The following RSPH9 variants were observed in gnomAD, a reference collection of about 807,000 sequenced individuals.
RSPH9 encodes the protein radial spoke head component 9.
In RSPH9, 27 loss-of-function variants were observed where a neutral mutation model predicts 27.0. The observed-to-expected ratio is 1.00, with a 90% CI of 0.74 to 1.38. RSPH9 has a LOEUF of 1.38. Among genes scored for constraint, RSPH9 ranks in the 40% most tolerant of loss-of-function variants. RSPH9 has a pLI of 0.00. For synonymous variants in RSPH9, 145 were observed against 147.7 expected (o/e 0.98, Z 0.13); for missense variants, 347 against 357.4 (o/e 0.97, Z 0.24).
intron 4 of RSPH9, 101 bp downstream of exon 4, chr6:43,656,824 G>C (rs1298747824): frequency 4.6e-6 from 6 of 1,314,860 alleles, no homozygotes; most frequent in Non-Finnish European, 6.5e-6. Flanking sequence ...CAAGGGCCTA[G>C]TGGGAATTGG....
At chr6:43,653,714 CG>C (rs1261765747) in intron 2 of RSPH9, among the ~76,000 whole-genome samples, 1 of 151,850 alleles carries the variant, frequency 6.6e-6, no homozygotes, top group Non-Finnish European at 1.5e-5. Context: ...TTTTTTGAGA[CG>C]GAGTTTTGCT....
chr6:43,650,511 G>A lies in RSPH9; in HGVS notation c.364G>A (p.Gly122Ser), dbSNP rs1454576191. 1 of 1,614,004 alleles carries A rather than the reference G, an allele frequency of 6.2e-7. No individual in the cohort carries two copies. The highest frequency in any genetic ancestry group is 1.7e-5 in the Admixed American group (1 of 59,986). The part of the protein sequence containing the change: ...EHTELQKVNE[G>S]EKVFEEEIVV... ...CACTGAGCTGCAGAAGGTGAATGAA[G>A]GTGAAAAAGTCTTTGAAGAAGAAAT... Residue 122 changes from glycine (G) to serine (S), a missense_variant, in exon 2 of 5, where the codon GGT becomes AGT. Physicochemically the swap from Gly to Ser is moderately conservative, Grantham distance 56 (BLOSUM62 0). Coordinates refer to ENST00000372163, the MANE Select transcript of RSPH9 (RefSeq NM_152732.5).
In RSPH9 at chr6:43,661,356, A is replaced by G. The variant is rs116511160; in HGVS notation, c.670+4633A>G. Among the ~76,000 whole-genome samples, 1,205 of 152,250 alleles carry G rather than the reference A, an allele frequency of 7.9e-3. 1 individual carries two copies. The highest frequency in any genetic ancestry group is 0.011 in the Non-Finnish European group (746 of 68,008). On this transcript the variant is annotated intron_variant, in intron 4 of 4. Coordinates refer to ENST00000372163, the MANE Select transcript of RSPH9 (RefSeq NM_152732.5). ...TAATGCCAGGCATTGACTTCTCTTT[A>G]GCTATGAAAGTCCTAGATGTTTGGC...
intron 4 of RSPH9, 28 bp downstream of exon 4, chr6:43,656,751 G>A (rs1346670325): frequency 6.2e-7 from 1 of 1,612,322 alleles, no homozygotes; most frequent in Non-Finnish European, 8.5e-7. Flanking sequence ...GGAGGCCATG[G>A]GATCTGTCCT....
chr6:43,655,478 G>A (rs1771910784), intron 2 of RSPH9, 84 bp from the exon 3 acceptor site: 1 of 1,512,542 alleles, frequency 6.6e-7, no homozygotes, highest in Non-Finnish European at 9.2e-7. Context: ...AGTGGTGCGG[G>A]TGAGATGGCC....
chr6:43,658,519 C>T (rs574515399), intron 4 of RSPH9, among the ~76,000 whole-genome samples: 10 of 152,114 alleles, frequency 6.6e-5, no homozygotes, highest in Non-Finnish European at 7.4e-5. Flanking sequence ...ACAATACTAA[C>T]GATCACCTGA....
intron 4 of RSPH9, among the ~76,000 whole-genome samples, chr6:43,668,660 G>A (rs1406725316): frequency 6.6e-6 from 1 of 152,204 alleles, no homozygotes; most frequent in African/African-American, 2.4e-5. Flanking sequence ...CCCTTGCCCA[G>A]GCATGCCAAG....
chr6:43,655,019 A>G (rs115275457), intron 2 of RSPH9, among the ~76,000 whole-genome samples: 2,584 of 152,258 alleles, frequency 0.017, 76 homozygotes, highest in African/African-American at 0.06. Context: ...TCTCAAAACA[A>G]AAACAAAATG....
Position 43,655,612 on chromosome 6 carries a change from C to A in RSPH9, c.444C>A (p.Asp148Glu). ...TRLVSVIDQI[D>E]KAVAIIPRGA... Reference sequence around the variant, plus strand: ...TGGTGTCTGTCATTGACCAGATTGACAAGGCTGTGGCCATCATCCCCCGAG... The same window carrying A: ...TGGTGTCTGTCATTGACCAGATTGAAAAGGCTGTGGCCATCATCCCCCGAG... The change falls in exon 3 of 5, where the codon GAC (aspartate) becomes GAA (glutamate). Residue 148 changes from aspartate (D) to glutamate (E), a missense_variant. Physicochemically the swap from Asp to Glu is conservative, Grantham distance 45 (BLOSUM62 2). Coordinates refer to ENST00000372163, the MANE Select transcript of RSPH9 (RefSeq NM_152732.5). The A allele has an allele frequency of 6.2e-7, 1 of 1,614,190 alleles. No homozygotes were observed. Among genetic ancestry groups the A allele is most frequent in the Non-Finnish European group, 8.5e-7 (1 of 1,180,020 alleles).
intron 4 of RSPH9, among the ~76,000 whole-genome samples, chr6:43,664,486 C>T (rs1049332560): frequency 3.9e-5 from 6 of 152,236 alleles, no homozygotes; most frequent in Non-Finnish European, 7.3e-5. Flanking sequence ...GTAGAAGCTG[C>T]TGGTGGCTTG....
At chr6:43,659,728 TTTATTA>T (rs1210288771) in intron 4 of RSPH9, among the ~76,000 whole-genome samples, 2 of 150,872 alleles carry the variant, frequency 1.3e-5, no homozygotes, top group Non-Finnish European at 2.9e-5. Context: ...TTTATTTTTA[TTTATTA>T]TTATTATTAT....
chr6:43,664,484 T>G (rs1582395575), intron 4 of RSPH9, among the ~76,000 whole-genome samples: 1 of 152,226 alleles, frequency 6.6e-6, no homozygotes, highest in African/African-American at 2.4e-5. Context: ...CAGTAGAAGC[T>G]GCTGGTGGCT....
intron 4 of RSPH9, among the ~76,000 whole-genome samples, chr6:43,660,980 G>A (rs992809927): frequency 4.6e-5 from 7 of 152,150 alleles, no homozygotes; most frequent in Admixed American, 6.6e-5. Context: ...CATTAATCTC[G>A]TTGTACATCT....
At position 43,671,617 on chromosome 6, in the gene RSPH9, C is replaced by T; in HGVS notation, c.*668C>T. 1 of 937,412 alleles carries T rather than the reference C, an allele frequency of 1.1e-6. No individual in the cohort carries two copies. Among genetic ancestry groups the T allele is most frequent in the Non-Finnish European group, 1.6e-6 (1 of 613,478 alleles). The allele number at this position is 937,412 out of a possible 1,614,324, so 58.1% of individuals were successfully genotyped here. A position where few individuals can be genotyped will look rare whatever the true frequency, so the allele number is the denominator to read the frequency against. ...CAGGCCAAGGGTACTGAAGTTAGTC[C>T]CACTGTCCCCTGTCCATGCATGTTG... On this transcript the variant is annotated 3_prime_UTR_variant, in exon 5 of 5. Transcript: ENST00000372163.
intron 1 of RSPH9, among the ~76,000 whole-genome samples, chr6:43,649,848 G>A (rs1771267196): frequency 6.6e-6 from 1 of 152,296 alleles, no homozygotes; most frequent in African/African-American, 2.4e-5. Flanking sequence ...CTAGGAAGAG[G>A]CTCATTTAAT....
intron 2 of RSPH9, among the ~76,000 whole-genome samples, chr6:43,652,520 G>C (rs921461701): frequency 6.6e-6 from 1 of 151,236 alleles, no homozygotes; most frequent in Non-Finnish European, 1.5e-5. Flanking sequence ...CTGCCTCCCG[G>C]GTTCAAGTGA....
intron 4 of RSPH9, among the ~76,000 whole-genome samples, chr6:43,667,108 A>T (rs1202910723): frequency 2.0e-5 from 3 of 152,190 alleles, no homozygotes; most frequent in Non-Finnish European, 4.4e-5. Context: ...CTATATCAGC[A>T]AATAGCCACT....
At chr6:43,654,400 G>A (rs1305967704) in intron 2 of RSPH9, among the ~76,000 whole-genome samples, 2 of 152,184 alleles carry the variant, frequency 1.3e-5, no homozygotes, top group African/African-American at 4.8e-5. Context: ...TTAAATATAT[G>A]CATAGAGGGC....
intron 3 of RSPH9, 91 bp downstream of exon 3, chr6:43,655,782 C>T (rs1253730741): frequency 6.9e-6 from 10 of 1,439,614 alleles, no homozygotes; most frequent in Non-Finnish European, 9.7e-6. Context: ...GGGGGGCTTA[C>T]ACACTTTATC....
Sources: allele counts gnomAD v4.1 joint callset (sites outside exome capture counted in the v4.1 genomes callset), GRCh38; gene constraint gnomAD v4.1.1; transcripts MANE v1.5; gene names NCBI Gene and HGNC (gene_info 2026-07-23, HGNC 2026-07-21).